The following ARFGEF2 variants were observed in gnomAD, a reference collection of about 807,000 sequenced individuals.
ARFGEF2 encodes brefeldin A-inhibited guanine nucleotide-exchange protein 2.
Under a neutral mutation model 219.9 loss-of-function variants are expected in ARFGEF2, and 74 were observed. That is an observed-to-expected ratio of 0.34 (90% confidence interval 0.28 to 0.41). ARFGEF2 has a LOEUF of 0.41. Among genes scored for constraint, ARFGEF2 ranks in the 10% least tolerant of loss-of-function variants. The pLI, the probability that ARFGEF2 is intolerant of heterozygous loss-of-function variation, is 1.00. For synonymous variants in ARFGEF2, 733 were observed against 799.2 expected (o/e 0.92, Z 1.40); for missense variants, 1,743 against 2,218.3 (o/e 0.79, Z 4.30).
At chr20:49,013,716 G>A (rs763984545) in intron 29 of ARFGEF2, 22 bp downstream of exon 29, 1 of 1,614,026 alleles carries the variant, frequency 6.2e-7, no homozygotes, top group South Asian at 1.1e-5. Flanking sequence ...CCCGTGCGGT[G>A]GCCCCTTACA....
chr20:48,999,724 G>A (rs1407634950), intron 25 of ARFGEF2, among the ~76,000 whole-genome samples: 2 of 148,466 alleles, frequency 1.3e-5, no homozygotes, highest in Non-Finnish European at 3.0e-5. Context: ...TCCAGCCTGG[G>A]CGACAGAGCG....
chr20:49,007,592 CTTTTTTTTTTTT>C (rs752508908), intron 26 of ARFGEF2, among the ~76,000 whole-genome samples: 30 of 97,868 alleles, frequency 3.1e-4, no homozygotes, highest in Admixed American at 8.3e-4. Flanking sequence ...CCTGGTGTTG[CTTTTTTTTTTTT>C]TTTTTTTTTT....
chr20:49,006,056 G>T (rs2091457646), intron 26 of ARFGEF2, among the ~76,000 whole-genome samples: 1 of 152,140 alleles, frequency 6.6e-6, no homozygotes, highest in East Asian at 1.9e-4. Flanking sequence ...AACACTTTGG[G>T]AGGCCGAGTC....
intron 12 of ARFGEF2, among the ~76,000 whole-genome samples, 197 bp from the exon 13 acceptor site, chr20:48,974,569 C>A (rs943395584): frequency 1.3e-5 from 2 of 151,990 alleles, no homozygotes. Flanking sequence ...ATAATGAGCA[C>A]CTTTAGAGAT....
At chr20:48,979,920 A>T (rs6019568) in intron 14 of ARFGEF2, among the ~76,000 whole-genome samples, 37,034 of 151,242 alleles carry the variant, frequency 0.24, 5,175 homozygotes, top group East Asian at 0.48. Context: ...GATCTTTTTT[A>T]AAAAAACAGC....
Position 48,948,987 on chromosome 20 carries a change from A to G in ARFGEF2, c.277-2336A>G, listed in dbSNP as rs2091048395. Among the ~76,000 whole-genome samples, 4 of 152,164 alleles carry G rather than the reference A, an allele frequency of 2.6e-5. No individual in the cohort carries two copies. The South Asian group carries it at 6.2e-4, about 24-fold the overall frequency. On this transcript the variant is annotated intron_variant, in intron 3 of 38. Transcript: ENST00000371917. ...AGAATATAGACTCTATAAGAAAAATAATTACGTTTGTCTTACTATTGTATC... is the reference window on the plus strand; with the variant it reads ...AGAATATAGACTCTATAAGAAAAATGATTACGTTTGTCTTACTATTGTATC...
chr20:48,976,292 T>G (rs951636037), intron 14 of ARFGEF2, 93 bp downstream of exon 14: 5 of 1,500,362 alleles, frequency 3.3e-6, no homozygotes, highest in Non-Finnish European at 4.6e-6. Flanking sequence ...AAATGCCTGT[T>G]TACAAAAGGC....
chr20:48,999,501 C>A (rs1477454477), intron 25 of ARFGEF2, among the ~76,000 whole-genome samples: 1 of 152,150 alleles, frequency 6.6e-6, no homozygotes, highest in African/African-American at 2.4e-5. Context: ...GTAATCCCAG[C>A]ACTTTGGGAG....
intron 1 of ARFGEF2, among the ~76,000 whole-genome samples, chr20:48,936,274 C>CG (rs2090955973): frequency 2.1e-5 from 3 of 143,994 alleles, no homozygotes. Flanking sequence ...CCCTGCCGGA[C>CG]GGGGCGGCTG....
At chr20:48,961,861 C>T (rs1406130316) in intron 6 of ARFGEF2, among the ~76,000 whole-genome samples, 2 of 119,326 alleles carry the variant, frequency 1.7e-5, no homozygotes, top group Non-Finnish European at 3.5e-5. Flanking sequence ...GAGACTCTCT[C>T]AAAAAAAAAA....
chr20:48,977,574 C>T (rs1011588615), intron 14 of ARFGEF2, among the ~76,000 whole-genome samples: 8 of 152,208 alleles, frequency 5.3e-5, no homozygotes, highest in Non-Finnish European at 8.8e-5. Flanking sequence ...AATGGTTGGA[C>T]TAGTTTACAT....
chr20:48,922,523 G>A (rs1455353789), intron 1 of ARFGEF2, among the ~76,000 whole-genome samples: 2 of 152,252 alleles, frequency 1.3e-5, no homozygotes, highest in Admixed American at 1.3e-4. Context: ...TGTAGAAGGT[G>A]TTCTGGATCT....
Position 48,963,409 on chromosome 20 carries a change from G to A in ARFGEF2, c.839-421G>A, listed in dbSNP as rs148626866. Among the ~76,000 whole-genome samples the A allele has an allele frequency of 4.8e-3, 724 of 152,264 alleles. 3 individuals are homozygous for A. Among genetic ancestry groups the A allele is most frequent in the African/African-American group, 0.016 (685 of 41,550 alleles). ...TGGGTTTACAGTGTGAGAAGGCGAA[G>A]CAGCAGAAGGCATGTCATTTACCAA... is the stretch of plus-strand genomic sequence containing the variant. On this transcript the variant is annotated intron_variant, in intron 6 of 38. Transcript: ENST00000371917.
At chr20:48,977,153 C>T (rs753338015) in intron 14 of ARFGEF2, among the ~76,000 whole-genome samples, 2 of 151,696 alleles carry the variant, frequency 1.3e-5, no homozygotes, top group Non-Finnish European at 2.9e-5. Flanking sequence ...GCAGGCCCCC[C>T]TGTGTGTGAT....
At chr20:48,954,412 A>C (rs1394801994) in intron 6 of ARFGEF2, among the ~76,000 whole-genome samples, 1 of 152,206 alleles carries the variant, frequency 6.6e-6, no homozygotes, top group Non-Finnish European at 1.5e-5. Flanking sequence ...GACTGTTCAT[A>C]TCTCTCCCTG....
intron 14 of ARFGEF2, among the ~76,000 whole-genome samples, chr20:48,983,955 C>T (rs997253908): frequency 1.3e-4 from 19 of 151,696 alleles, no homozygotes; most frequent in Admixed American, 2.0e-4. Context: ...GGCTCATGCC[C>T]GTTATCCCAG....
At chr20:49,008,561 C>CAAAAAAAAA (rs71184246) in intron 26 of ARFGEF2, among the ~76,000 whole-genome samples, 1 of 140,372 alleles carries the variant, frequency 7.1e-6, no homozygotes. Context: ...AACTCCATCT[C>CAAAAAAAAA]AAAAAAAAAA....
chr20:48,976,269 AT>A, intron 14 of ARFGEF2, 70 bp downstream of exon 14: 1 of 1,568,302 alleles, frequency 6.4e-7, no homozygotes, highest in Non-Finnish European at 8.7e-7. Flanking sequence ...CCTGGAACTG[AT>A]TCCTAAAAAG....
chr20:48,963,752 A>T, intron 6 of ARFGEF2, 78 bp from the exon 7 acceptor site: 1 of 1,404,266 alleles, frequency 7.1e-7, no homozygotes, highest in South Asian at 1.2e-5. Context: ...GTAACTCCCC[A>T]TAATCTCCTT....
Sources: allele counts gnomAD v4.1 joint callset (sites outside exome capture counted in the v4.1 genomes callset), GRCh38; gene constraint gnomAD v4.1.1; transcripts MANE v1.5; gene names NCBI Gene and HGNC (gene_info 2026-07-23, HGNC 2026-07-21).